The following PREX1 variants were observed in gnomAD, a reference collection of about 807,000 sequenced individuals.
The protein encoded by PREX1 is phosphatidylinositol-3,4,5-trisphosphate dependent Rac exchange factor 1.
A neutral mutation model predicts 198.3 loss-of-function variants in PREX1; 41 were observed. The ratio of observed to expected loss-of-function variants is 0.21; its 90% CI spans 0.16 to 0.27. The LOEUF (loss-of-function observed/expected upper bound fraction) is 0.27. Ranked by LOEUF, PREX1 falls within the 10% of genes least tolerant of loss-of-function variation. The pLI, the probability that PREX1 is intolerant of heterozygous loss-of-function variation, is 1.00. For missense variants in PREX1, 1,620 were observed against 2,200.7 expected (o/e 0.74, Z 5.28); for synonymous variants, 843 against 887.2 (o/e 0.95, Z 0.89).
chr20:48,634,629 C>T (rs1353877500), intron 33 of PREX1, 47 bp downstream of exon 33: 3 of 1,592,596 alleles, frequency 1.9e-6, no homozygotes, highest in Admixed American at 1.7e-5. Context: ...GTCCCTTCCA[C>T]CCCAGGACCC....
intron 1 of PREX1, among the ~76,000 whole-genome samples, chr20:48,786,661 CT>C (rs898258946): frequency 2.0e-5 from 3 of 151,562 alleles, no homozygotes; most frequent in African/African-American, 7.3e-5. Flanking sequence ...GGAAAAATCG[CT>C]TGAACCCGGG....
intron 4 of PREX1, among the ~76,000 whole-genome samples, chr20:48,731,457 G>A (rs887950005): frequency 1.3e-5 from 2 of 152,132 alleles, no homozygotes; most frequent in Middle Eastern, 3.2e-3. Flanking sequence ...TGTTCATGTC[G>A]GATCTTTAGC....
In PREX1 at chr20:48,632,339, A is replaced by C; in HGVS notation, c.4464T>G (p.Asp1488Glu). The change falls in exon 35 of 40, where the codon GAT (aspartate) becomes GAG (glutamate). Residue 1488 changes from aspartate to glutamate, a missense_variant. Physicochemically the swap from Asp to Glu is conservative, Grantham distance 45. Coordinates refer to ENST00000371941, the MANE Select transcript of PREX1 (RefSeq NM_020820.4). ...LPSPGSQAAE[D>E]LQQDINAQSL... ...ACTGCGCGTTGATGTCCTGCTGCAA[A>C]TCCTCCGCGGCCTGGCTGCCTGGAG... 1.2e-6 allele frequency: 2 copies of C among 1,614,008 alleles called. No homozygotes were observed. Among genetic ancestry groups the C allele is most frequent in the South Asian group, 2.2e-5 (2 of 91,078 alleles).
chr20:48,701,865 A>G lies in PREX1; in HGVS notation c.784-979T>C, dbSNP rs550212199. 1.5e-3 allele frequency among the ~76,000 whole-genome samples: 230 copies of G among 152,334 alleles called. 3 individuals are homozygous for G. The highest frequency in any genetic ancestry group is 0.014 in the Middle Eastern group (4 of 294). Reference sequence around the variant, plus strand: ...ACTGAATGTCAGTGAGGTTCCGGGCAGCGTGGCTGGGAAAGGCATCAGGGA... The same window carrying G: ...ACTGAATGTCAGTGAGGTTCCGGGCGGCGTGGCTGGGAAAGGCATCAGGGA... On this transcript the variant is annotated intron_variant, in intron 6 of 39. Coordinates refer to ENST00000371941, the MANE Select transcript of PREX1 (RefSeq NM_020820.4).
chr20:48,832,743 G>A (rs1479984766), upstream of PREX1, among the ~76,000 whole-genome samples: 1 of 152,212 alleles, frequency 6.6e-6, no homozygotes, highest in Non-Finnish European at 1.5e-5. Flanking sequence ...ACGTCTCTAA[G>A]GGAAGCCTTG....
At chr20:48,725,616 T>G (rs1021116331) in intron 5 of PREX1, among the ~76,000 whole-genome samples, 3 of 152,254 alleles carry the variant, frequency 2.0e-5, no homozygotes, top group African/African-American at 7.2e-5. Context: ...GGGGTTCATC[T>G]GTCCTCACTC....
chr20:48,810,615 G>A (rs542152111), intron 1 of PREX1, among the ~76,000 whole-genome samples: 7 of 145,712 alleles, frequency 4.8e-5, no homozygotes, highest in Admixed American at 3.5e-4. Context: ...GGCAGGGCAC[G>A]GTGGCTCACT....
At chr20:48,774,943 C>T (rs1156566509) in intron 1 of PREX1, among the ~76,000 whole-genome samples, 1 of 152,238 alleles carries the variant, frequency 6.6e-6, no homozygotes, top group Non-Finnish European at 1.5e-5. Context: ...AATGGCTCTG[C>T]AGGGTGGCAG....
At chr20:48,860,924 A>G in the PREX1 span, among the ~76,000 whole-genome samples, 1 of 152,110 alleles carries the variant, frequency 6.6e-6, no homozygotes, top group African/African-American at 2.4e-5. Context: ...TGAGGGCAGG[A>G]GTTTGAAACC....
chr20:48,783,704 A>G (rs956043570), intron 1 of PREX1, among the ~76,000 whole-genome samples: 1 of 152,200 alleles, frequency 6.6e-6, no homozygotes, highest in African/African-American at 2.4e-5. Context: ...TGCCTGTCTC[A>G]GGAGTGAGAT....
chr20:48,778,525 G>A (rs545098711), intron 1 of PREX1, among the ~76,000 whole-genome samples: 2 of 152,218 alleles, frequency 1.3e-5, no homozygotes, highest in Admixed American at 6.5e-5. Flanking sequence ...AGGAGGTGGA[G>A]GTTGCAGTGA....
At chr20:48,648,247 C>T (rs1478180136) in intron 25 of PREX1, among the ~76,000 whole-genome samples, 1 of 152,182 alleles carries the variant, frequency 6.6e-6, no homozygotes, top group Admixed American at 6.5e-5. Flanking sequence ...ACACGTAATT[C>T]CACCACACCT....
chr20:48,741,841 G>A (rs985607561), intron 3 of PREX1, among the ~76,000 whole-genome samples: 10 of 152,178 alleles, frequency 6.6e-5, no homozygotes, highest in Non-Finnish European at 1.2e-4. Context: ...CAGAGGAAGC[G>A]GCCTGGGGTG....
At chr20:48,758,296 G>A (rs1200320821) in intron 1 of PREX1, among the ~76,000 whole-genome samples, 1 of 152,178 alleles carries the variant, frequency 6.6e-6, no homozygotes, top group Non-Finnish European at 1.5e-5. Flanking sequence ...CAGTGGGGGT[G>A]ATCCTGGCAC....
the PREX1 span, among the ~76,000 whole-genome samples, chr20:48,882,574 T>C: frequency 6.6e-6 from 1 of 151,526 alleles, no homozygotes; most frequent in Non-Finnish European, 1.5e-5. Context: ...ATGTATATTT[T>C]TGTGTCTCTG....
At chr20:48,828,580 C>T (rs1600540664), upstream of PREX1, among the ~76,000 whole-genome samples, 1 of 147,572 alleles carries the variant, frequency 6.8e-6, no homozygotes, top group East Asian at 1.9e-4. Context: ...CCGGGAACGC[C>T]GGGCCCTCGC....
chr20:48,801,514 TAAGGGCCAAGGC>T (rs904253936), intron 1 of PREX1, among the ~76,000 whole-genome samples: 2 of 152,084 alleles, frequency 1.3e-5, no homozygotes, highest in African/African-American at 2.4e-5. Context: ...CTCCAGTAGG[TAAGGGCCAAGGC>T]ACAGTTTCAC....
At chr20:48,689,299 C>G (rs1250884818) in intron 9 of PREX1, among the ~76,000 whole-genome samples, 1 of 152,198 alleles carries the variant, frequency 6.6e-6, no homozygotes, top group African/African-American at 2.4e-5. Flanking sequence ...CTAATTTTGA[C>G]AACAGCAAAT....
chr20:48,745,010 T>C lies in PREX1; in HGVS notation c.414+15A>G. On this transcript the variant is annotated intron_variant, in intron 3 of 39. Transcript: ENST00000371941. ...AAAAACTAGAGTCCACCAGGGGCAG[T>C]GGCATGGTACTCACGAATTTTAAGA... 6.2e-7 allele frequency: 1 copy of C among 1,612,712 alleles called. No individual in the cohort carries two copies. The highest frequency in any genetic ancestry group is 8.5e-7 in the Non-Finnish European group (1 of 1,178,908).
Sources: allele counts gnomAD v4.1 joint callset (sites outside exome capture counted in the v4.1 genomes callset), GRCh38; gene constraint gnomAD v4.1.1; transcripts MANE v1.5; gene names NCBI Gene and HGNC (gene_info 2026-07-23, HGNC 2026-07-21).